Variants in ECPAS observed in about 807,000 individuals in gnomAD.
ECPAS encodes Ecm29 proteasome adaptor and scaffold.
ECPAS carries 70 observed loss-of-function variants against 255.1 expected under a neutral mutation model. The observed-to-expected ratio is 0.27, with a 90% confidence interval of 0.23 to 0.33. ECPAS has a LOEUF of 0.33. Among genes scored for constraint, ECPAS ranks in the 10% least tolerant of loss-of-function variants. The probability of loss-of-function intolerance (pLI) is 1.00; values close to 1 mark genes in which losing one functional copy is unlikely to be tolerated. For missense variants in ECPAS, 1,817 were observed against 2,206.4 expected, an observed-to-expected ratio of 0.82 and a Z score of 3.54; for synonymous variants, 784 against 775.0, an observed-to-expected ratio of 1.01 and a Z score of -0.19.
At chr9:111,364,920 G>A in intron 48 of ECPAS, among the ~76,000 whole-genome samples, 1 of 152,136 alleles carries the variant, frequency 6.6e-6, no homozygotes, top group East Asian at 1.9e-4. Context: ...AAGTCGGGGG[G>A]ACTTTATTCT....
chr9:111,425,886 TGA>T, intron 10 of ECPAS, 58 bp from the exon 11 acceptor site: 1 of 848,858 alleles, frequency 1.2e-6, no homozygotes, highest in Non-Finnish European at 1.9e-6. Context: ...TTAATATTTT[TGA>T]ATAGTAATCA....
At chr9:111,483,234 G>C (rs1318017653) in intron 1 of ECPAS, among the ~76,000 whole-genome samples, 1 of 152,030 alleles carries the variant, frequency 6.6e-6, no homozygotes, top group Admixed American at 6.5e-5. Flanking sequence ...CCCGACCCCG[G>C]GCCAGGGCGG....
chr9:111,418,767 T>C (rs1233564581), intron 16 of ECPAS, among the ~76,000 whole-genome samples: 1 of 152,218 alleles, frequency 6.6e-6, no homozygotes, highest in African/African-American at 2.4e-5. Flanking sequence ...AGAGCTCTAT[T>C]TGGAAGTCCA....
At chr9:111,469,921 G>T (rs1276360306) in intron 2 of ECPAS, among the ~76,000 whole-genome samples, 1 of 152,132 alleles carries the variant, frequency 6.6e-6, no homozygotes, top group African/African-American at 2.4e-5. Flanking sequence ...CTCAACAGAT[G>T]CAAATGTACT....
At chr9:111,417,724 C>T (rs1183453655) in intron 17 of ECPAS, among the ~76,000 whole-genome samples, 159 bp downstream of exon 17, 1 of 145,632 alleles carries the variant, frequency 6.9e-6, no homozygotes, top group Non-Finnish European at 1.5e-5. Context: ...CCAGCCTGGG[C>T]AACAAGAGCG....
rs2098156365 is a variant in ECPAS at position 111,389,738 on chromosome 9, C to T, written c.3280-15G>A. 1.3e-6 allele frequency: 2 copies of T among 1,595,920 alleles called. No individual in the cohort carries two copies. The highest frequency in any genetic ancestry group is 1.7e-6 in the Non-Finnish European group (2 of 1,171,640). ...AAAGCAGCACCCTAAAAATAATAGG[C>T]TGAAGTGACTCAGATGCACCATTAT... On this transcript the variant is annotated splice_polypyrimidine_tract_variant and intron_variant, in intron 30 of 49. Coordinates refer to ENST00000684092, the MANE Select transcript of ECPAS (RefSeq NM_001364929.1).
In ECPAS at chr9:111,451,455, G is replaced by A. The variant is rs2098260188; in HGVS notation, c.123C>T (p.Leu41=). 1.3e-6 allele frequency: 2 copies of A among 1,575,090 alleles called. No individual in the cohort carries two copies. The highest frequency in any genetic ancestry group is 2.3e-5 in the East Asian group (1 of 43,268). The part of the protein sequence containing the change: ...SKFLPPVLLK[L]SSTQEGVRKK... ...TACGTACTCCTTCTTGGGTGCTAGA[G>A]AGTTTGAGCAAAACAGGAGGAAGGA... The change falls in exon 3 of 50, where the codon CTC becomes CTT. Residue 41 remains leucine, a synonymous_variant. Transcript: ENST00000684092.
chr9:111,372,418 A>G lies in ECPAS; in HGVS notation c.4528+11T>C. ...CTAAGAAGCAGGTTTAACTCAGGCC[A>G]CACTACTAACCAGGTACGTTTTCCT... is the stretch of plus-strand genomic sequence containing the variant. On this transcript the variant is annotated intron_variant, in intron 42 of 49. Transcript: ENST00000684092. 6.2e-7 allele frequency: 1 copy of G among 1,611,044 alleles called. No individual in the cohort carries two copies.
At chr9:111,410,959 C>T (rs746125834) in intron 22 of ECPAS, 21 bp downstream of exon 22, 12 of 1,579,338 alleles carry the variant, frequency 7.6e-6, no homozygotes, top group South Asian at 4.6e-5. Context: ...ACACCCAAAT[C>T]GACATAAAGA....
Position 111,484,121 on chromosome 9 carries a change from T to G in ECPAS, c.-88A>C. The G allele has an allele frequency of 6.9e-7, 1 of 1,447,032 alleles. No homozygotes were observed. Among genetic ancestry groups the G allele is most frequent in the Non-Finnish European group, 9.1e-7 (1 of 1,101,940 alleles). The allele number at this position is 1,447,032 out of a possible 1,614,324, so 89.6% of individuals were successfully genotyped here. On this transcript the variant is annotated 5_prime_UTR_variant, in exon 1 of 50. Coordinates refer to ENST00000684092, the MANE Select transcript of ECPAS (RefSeq NM_001364929.1). ...CCCGGGGGCGGGCCTCTGACCTGAG[T>G]CGGAGCCGGTCTCCATGCCGCGGAC... is the stretch of plus-strand genomic sequence containing the variant.
intron 2 of ECPAS, among the ~76,000 whole-genome samples, chr9:111,454,546 G>A (rs949927075): frequency 6.6e-6 from 1 of 152,126 alleles, no homozygotes; most frequent in African/African-American, 2.4e-5. Flanking sequence ...GGCTACACCA[G>A]AGGAAAAGGT....
At chr9:111,480,433 G>A (rs2098303065) in intron 1 of ECPAS, among the ~76,000 whole-genome samples, 1 of 151,614 alleles carries the variant, frequency 6.6e-6, no homozygotes, top group African/African-American at 2.4e-5. Flanking sequence ...GAGTACCTGG[G>A]ACTACAGGCA....
chr9:111,380,587 T>C (rs991571105), intron 35 of ECPAS, among the ~76,000 whole-genome samples: 3 of 152,340 alleles, frequency 2.0e-5, no homozygotes, highest in Non-Finnish European at 4.4e-5. Context: ...CAGCCTGGCC[T>C]TTGAAGCGTT....
intron 24 of ECPAS, among the ~76,000 whole-genome samples, chr9:111,407,764 T>C (rs184921407): frequency 1.3e-5 from 2 of 152,318 alleles, no homozygotes; most frequent in African/African-American, 2.4e-5. Flanking sequence ...TACATGCAAA[T>C]GTCTCTTCAT....
In ECPAS at chr9:111,425,759, G is replaced by A. The variant is rs1012765693; in HGVS notation, c.1120C>T (p.His374Tyr). 1 of 1,576,434 alleles carries A rather than the reference G, an allele frequency of 6.3e-7. No homozygotes were observed. The highest frequency in any genetic ancestry group is 1.7e-5 in the Admixed American group (1 of 59,676). ...AAGACTTACGTTATACAAATATGATGCACAAATTGCAGGGATAATGTTCTT... is the reference window on the plus strand; with the variant it reads ...AAGACTTACGTTATACAAATATGATACACAAATTGCAGGGATAATGTTCTT... ...KLRTLSLQFV[H>Y]HICITCPEIK... The change falls in exon 11 of 50, where the codon CAT (histidine) becomes TAT (tyrosine). Residue 374 changes from histidine (H) to tyrosine (Y), a missense_variant. By Grantham distance (83) the His-to-Tyr change is moderately conservative (BLOSUM62 2). Coordinates refer to ENST00000684092, the MANE Select transcript of ECPAS (RefSeq NM_001364929.1).
At chr9:111,449,169 G>A (rs538952093) in intron 3 of ECPAS, among the ~76,000 whole-genome samples, 1 of 151,538 alleles carries the variant, frequency 6.6e-6, no homozygotes, top group South Asian at 2.1e-4. Flanking sequence ...ACCATTGCCA[G>A]GTTATTATAT....
At chr9:111,411,975 C>A in intron 21 of ECPAS, 39 bp downstream of exon 21, 1 of 1,475,368 alleles carries the variant, frequency 6.8e-7, no homozygotes, top group Non-Finnish European at 9.0e-7. Flanking sequence ...TTATAAAACC[C>A]TATCTCCCAC....
intron 10 of ECPAS, among the ~76,000 whole-genome samples, chr9:111,426,694 CAA>C (rs11326973): frequency 2.7e-3 from 348 of 130,844 alleles, no homozygotes; most frequent in Admixed American, 2.7e-3. Flanking sequence ...TGTCTCACTT[CAA>C]AAAAAAAAAA....
At chr9:111,426,871 G>C (rs563412588) in intron 10 of ECPAS, among the ~76,000 whole-genome samples, 1 of 152,060 alleles carries the variant, frequency 6.6e-6, no homozygotes, top group Non-Finnish European at 1.5e-5. Flanking sequence ...GGGAGGCCTG[G>C]AGATGGGAGA....
Sources: allele counts gnomAD v4.1 joint callset (sites outside exome capture counted in the v4.1 genomes callset), GRCh38; gene constraint gnomAD v4.1.1; transcripts MANE v1.5; gene names NCBI Gene and HGNC (gene_info 2026-07-23, HGNC 2026-07-21).